SLC9A8: variants seen among roughly 807,000 people sequenced by gnomAD.
SLC9A8 encodes the protein solute carrier family 9 member A8, also known as sodium/hydrogen exchanger 8.
SLC9A8 carries 48 observed loss-of-function variants against 66.6 expected under a neutral mutation model. That is an observed-to-expected ratio of 0.72 (90% CI 0.57 to 0.92). SLC9A8 has a LOEUF of 0.92. Ranked by LOEUF, SLC9A8 falls within the 40% of genes least tolerant of loss-of-function variation. The pLI, the probability that SLC9A8 is intolerant of heterozygous loss-of-function variation, is 0.00. For missense variants in SLC9A8, 599 were observed against 747.3 expected, an observed-to-expected ratio of 0.80 and a Z score of 2.31; for synonymous variants, 274 against 282.6, an observed-to-expected ratio of 0.97 and a Z score of 0.31.
intron 5 of SLC9A8, among the ~76,000 whole-genome samples, chr20:49,848,461 A>G (rs1452528636): frequency 6.6e-6 from 1 of 152,118 alleles, no homozygotes; most frequent in Non-Finnish European, 1.5e-5. Context: ...CTCTTTCACA[A>G]GTGGGCTTTA....
chr20:49,840,890 G>T (rs2087728331), intron 4 of SLC9A8, among the ~76,000 whole-genome samples: 1 of 151,958 alleles, frequency 6.6e-6, no homozygotes, highest in Non-Finnish European at 1.5e-5. Flanking sequence ...GCCAAGGTGG[G>T]TGGATCACCT....
intron 3 of SLC9A8, among the ~76,000 whole-genome samples, chr20:49,824,670 A>G (rs2086853146): frequency 6.6e-6 from 1 of 152,228 alleles, no homozygotes; most frequent in Admixed American, 6.5e-5. Context: ...TGCTTCTATT[A>G]GGACTTAGAG....
chr20:49,828,167 G>A (rs1395608452), intron 3 of SLC9A8, among the ~76,000 whole-genome samples: 1 of 142,606 alleles, frequency 7.0e-6, no homozygotes, highest in Non-Finnish European at 1.5e-5. Flanking sequence ...TGCAACCTCC[G>A]TCTCCCGGGT....
At chr20:49,836,395 G>T (rs1055077854) in intron 3 of SLC9A8, among the ~76,000 whole-genome samples, 5 of 152,004 alleles carry the variant, frequency 3.3e-5, no homozygotes, top group Non-Finnish European at 2.9e-5. Context: ...GTGCAGTGGC[G>T]CAATCTCGGC....
chr20:49,875,932 G>A (rs1396854790), intron 11 of SLC9A8, among the ~76,000 whole-genome samples: 2 of 152,032 alleles, frequency 1.3e-5, no homozygotes, highest in Non-Finnish European at 2.9e-5. Context: ...GTAGAGACAG[G>A]GTTTCACCGT....
intron 3 of SLC9A8, among the ~76,000 whole-genome samples, chr20:49,833,283 CCTTTAAAT>C (rs1387192808): frequency 6.6e-6 from 1 of 152,052 alleles, no homozygotes; most frequent in Non-Finnish European, 1.5e-5. Context: ...TCCCTTTAAA[CCTTTAAAT>C]GGCAAATCTA....
In SLC9A8 at chr20:49,884,263, C is replaced by CACACGAG. The variant is rs1568883809; in HGVS notation, c.1491+201_1491+202insGAGACAC. On this transcript the variant is annotated intron_variant, in intron 14 of 15. Transcript: ENST00000361573. ...ACACGACACACACACACACACGACA[C>CACACGAG]ACACACACACGACACACACACACAC... 60 of 341,194 alleles carry CACACGAG rather than the reference C, an allele frequency of 1.8e-4. 2 individuals are homozygous for CACACGAG. Among genetic ancestry groups the CACACGAG allele is most frequent in the South Asian group, 3.1e-4 (14 of 45,296 alleles). 21.1% of individuals were successfully genotyped at this position (341,194 alleles called of 1,614,324 possible). A position where few individuals can be genotyped will look rare whatever the true frequency, so the allele number is the denominator to read the frequency against.
At chr20:49,816,652 AAAG>A (rs1463744896) in intron 2 of SLC9A8, among the ~76,000 whole-genome samples, 1 of 152,096 alleles carries the variant, frequency 6.6e-6, no homozygotes, top group African/African-American at 2.4e-5. Context: ...AACAGACAAA[AAAG>A]AAATCCAGTT....
intron 12 of SLC9A8, 127 bp from the exon 13 acceptor site, chr20:49,880,797 T>C (rs1385864564): frequency 1.5e-6 from 1 of 674,632 alleles, no homozygotes; most frequent in Admixed American, 2.3e-5. Context: ...CTCGTGTCTT[T>C]TGTGGCTGAG....
intron 3 of SLC9A8, among the ~76,000 whole-genome samples, chr20:49,834,177 CTCTCTCTCTATATATATATATATATA>C (rs2087341372): frequency 7.0e-5 from 4 of 56,972 alleles, no homozygotes; most frequent in Admixed American, 5.7e-4. Flanking sequence ...CTCTCTCTCT[CTCTCTCTCTATATATATATATATATA>C]TATATATATA....
At chr20:49,817,105 CAG>C (rs2086578301) in intron 2 of SLC9A8, among the ~76,000 whole-genome samples, 1 of 150,970 alleles carries the variant, frequency 6.6e-6, no homozygotes, top group African/African-American at 2.4e-5. Flanking sequence ...CATCTAAGGT[CAG>C]GAGTTCGAGA....
At chr20:49,863,365 C>T (rs369928830) in intron 9 of SLC9A8, among the ~76,000 whole-genome samples, 1 of 152,180 alleles carries the variant, frequency 6.6e-6, no homozygotes, top group East Asian at 1.9e-4. Context: ...CGATGATTTT[C>T]GTTTTCTGCC....
intron 8 of SLC9A8, among the ~76,000 whole-genome samples, chr20:49,856,107 C>T (rs994088906): frequency 1.3e-5 from 2 of 152,088 alleles, no homozygotes; most frequent in Non-Finnish European, 2.9e-5. Context: ...CCACCTTTTT[C>T]GACCTGCCTT....
chr20:49,831,136 T>G lies in SLC9A8; in HGVS notation c.289+7995T>G. 7.7e-6 allele frequency: 4 copies of G among 520,814 alleles called. No homozygotes were observed. In the East Asian group the frequency reaches 1.1e-4, roughly 15 times the overall value. 32.3% of individuals were successfully genotyped at this position (520,814 alleles called of 1,614,324 possible). On this transcript the variant is annotated intron_variant, in intron 3 of 15. Coordinates refer to ENST00000361573, the MANE Select transcript of SLC9A8 (RefSeq NM_015266.3). ...CTCTAATCTCTCCGCTAACTCCCTC[T>G]TCCTCACATGGGGTCAGGGGCCTGG... is the stretch of plus-strand genomic sequence containing the variant.
At chr20:49,838,866 C>G (rs1047951230) in intron 3 of SLC9A8, among the ~76,000 whole-genome samples, 1 of 152,056 alleles carries the variant, frequency 6.6e-6, no homozygotes, top group South Asian at 2.1e-4. Flanking sequence ...ATAAAAAGTT[C>G]CCATGGTGAT....
Position 49,823,153 on chromosome 20 carries a change from T to C in SLC9A8, c.289+12T>C, listed in dbSNP as rs2146468595. On this transcript the variant is annotated intron_variant, in intron 3 of 15. Transcript: ENST00000361573. ...TGTTGTTTCTTTAGGTAAGTGTGTATTGGTGATTCCATAATAAAAGCAGTA... is the reference window on the plus strand; with the variant it reads ...TGTTGTTTCTTTAGGTAAGTGTGTACTGGTGATTCCATAATAAAAGCAGTA... 6.3e-7 allele frequency: 1 copy of C among 1,595,992 alleles called. No individual in the cohort carries two copies. Among genetic ancestry groups the C allele is most frequent in the East Asian group, 2.2e-5 (1 of 44,784 alleles).
At chr20:49,850,279 G>A (rs6095687) in intron 6 of SLC9A8, among the ~76,000 whole-genome samples, 2 of 152,214 alleles carry the variant, frequency 1.3e-5, no homozygotes, top group African/African-American at 4.8e-5. Flanking sequence ...TCCCTAGGAA[G>A]GTAGTATCTG....
At chr20:49,883,131 C>T (rs2089695346) in intron 13 of SLC9A8, among the ~76,000 whole-genome samples, 1 of 151,948 alleles carries the variant, frequency 6.6e-6, no homozygotes, top group Non-Finnish European at 1.5e-5. Context: ...CTGTCCCCTC[C>T]GTATGGCACC....
At chr20:49,853,989 A>G (rs1030418741) in intron 7 of SLC9A8, among the ~76,000 whole-genome samples, 2 of 152,102 alleles carry the variant, frequency 1.3e-5, no homozygotes, top group African/African-American at 2.4e-5. Flanking sequence ...AAGATCACCC[A>G]TTGAAGGCTG....
Sources: allele counts gnomAD v4.1 joint callset (sites outside exome capture counted in the v4.1 genomes callset), GRCh38; gene constraint gnomAD v4.1.1; transcripts MANE v1.5; gene names NCBI Gene and HGNC (gene_info 2026-07-23, HGNC 2026-07-21).